The following CDH13 variants were observed in gnomAD, a reference collection of about 807,000 sequenced individuals.
CDH13 encodes cadherin 13, also known as cadherin-13.
A neutral mutation model predicts 63.8 loss-of-function variants in CDH13; 24 were observed. The ratio of observed to expected loss-of-function variants is 0.38; its 90% confidence interval spans 0.27 to 0.53. The LOEUF is 0.53. Ranked by LOEUF, CDH13 falls within the 20% of genes least tolerant of loss-of-function variation. The pLI is 0.85. For missense variants in CDH13, 1,049 were observed against 903.1 expected (o/e 1.16, Z -2.07); for synonymous variants, 503 against 355.3 (o/e 1.42, Z -4.67).
chr16:82,637,343 A>G (rs1185598668), intron 1 of CDH13, among the ~76,000 whole-genome samples: 3 of 150,394 alleles, frequency 2.0e-5, no homozygotes, highest in Middle Eastern at 3.2e-3. Context: ...CCTTTTCTCA[A>G]CAAAGATATT....
chr16:82,678,816 G>C (rs576756658), intron 1 of CDH13, among the ~76,000 whole-genome samples: 26 of 152,148 alleles, frequency 1.7e-4, no homozygotes, highest in Admixed American at 1.3e-4. Context: ...ATCTCTTAGA[G>C]CCCAGTACTC....
chr16:82,974,413 C>T (rs553366401), intron 2 of CDH13, among the ~76,000 whole-genome samples: 1 of 152,158 alleles, frequency 6.6e-6, no homozygotes, highest in Admixed American at 6.5e-5. Flanking sequence ...ATACCCTTTA[C>T]GATTCACATG....
intron 8 of CDH13, among the ~76,000 whole-genome samples, chr16:83,667,390 A>G (rs993172148): frequency 1.3e-5 from 2 of 152,004 alleles, no homozygotes; most frequent in African/African-American, 4.8e-5. Flanking sequence ...TTATTAATTC[A>G]TTCATCCACC....
At chr16:83,257,316 G>C (rs996333408) in intron 5 of CDH13, among the ~76,000 whole-genome samples, 2 of 152,088 alleles carry the variant, frequency 1.3e-5, no homozygotes, top group African/African-American at 4.8e-5. Context: ...AGAATTCATC[G>C]TATTTTTTTT....
intron 4 of CDH13, among the ~76,000 whole-genome samples, chr16:83,182,190 C>A (rs1311920516): frequency 6.6e-6 from 1 of 152,206 alleles, no homozygotes; most frequent in Non-Finnish European, 1.5e-5. Context: ...TTAACTAATC[C>A]TTCCTGCCTC....
intron 6 of CDH13, among the ~76,000 whole-genome samples, chr16:83,384,717 A>G (rs931884983): frequency 3.9e-5 from 6 of 152,212 alleles, no homozygotes; most frequent in African/African-American, 1.2e-4. Context: ...CCACATGGCA[A>G]AAGGCCTCAT....
At chr16:83,467,314 A>G (rs970644205) in intron 6 of CDH13, among the ~76,000 whole-genome samples, 2 of 152,204 alleles carry the variant, frequency 1.3e-5, no homozygotes, top group African/African-American at 4.8e-5. Context: ...AATATAAAGC[A>G]TGTCTCCTCT....
intron 1 of CDH13, among the ~76,000 whole-genome samples, chr16:82,788,788 G>C (rs79351177): frequency 0.044 from 6,667 of 152,284 alleles, 210 homozygotes; most frequent in Non-Finnish European, 0.069. Context: ...CTGGGATGTG[G>C]AGCCCAGGTG....
chr16:82,805,511 G>T (rs1372994687), intron 1 of CDH13, among the ~76,000 whole-genome samples: 4 of 152,158 alleles, frequency 2.6e-5, no homozygotes, highest in African/African-American at 7.2e-5. Flanking sequence ...ACCAAAATGA[G>T]TTCGGGGGCC....
At chr16:83,758,826 T>C (rs1354441636) in intron 11 of CDH13, among the ~76,000 whole-genome samples, 1 of 152,224 alleles carries the variant, frequency 6.6e-6, no homozygotes, top group Non-Finnish European at 1.5e-5. Flanking sequence ...AAGAAAGATA[T>C]GCAAGTCCTC....
intron 1 of CDH13, among the ~76,000 whole-genome samples, chr16:82,853,179 A>C (rs925620287): frequency 2.0e-5 from 3 of 152,184 alleles, no homozygotes; most frequent in African/African-American, 7.2e-5. Flanking sequence ...ACACAACTCA[A>C]TCATATCAGG....
At chr16:83,658,566 G>A (rs1234961323) in intron 8 of CDH13, among the ~76,000 whole-genome samples, 2 of 143,524 alleles carry the variant, frequency 1.4e-5, no homozygotes, top group Non-Finnish European at 3.1e-5. Context: ...TCACCACCAG[G>A]TCCCATGTCC....
At chr16:83,154,548 A>G (rs1428773534) in intron 4 of CDH13, among the ~76,000 whole-genome samples, 2 of 150,878 alleles carry the variant, frequency 1.3e-5, no homozygotes, top group Non-Finnish European at 2.9e-5. Context: ...ACCTGGCGAC[A>G]GAGAGACTCC....
chr16:82,752,717 G>A (rs2034466701), intron 1 of CDH13, among the ~76,000 whole-genome samples: 1 of 152,178 alleles, frequency 6.6e-6, no homozygotes, highest in African/African-American at 2.4e-5. Context: ...GCAGACCACT[G>A]GGTCCCAGAC....
chr16:83,679,968 C>G (rs1915272502), intron 10 of CDH13, among the ~76,000 whole-genome samples: 1 of 152,114 alleles, frequency 6.6e-6, no homozygotes, highest in Non-Finnish European at 1.5e-5. Context: ...ACTAGATGTC[C>G]TACTAAGATG....
intron 2 of CDH13, among the ~76,000 whole-genome samples, chr16:83,026,978 G>T (rs1245674992): frequency 6.6e-6 from 1 of 152,042 alleles, no homozygotes; most frequent in Non-Finnish European, 1.5e-5. Flanking sequence ...GGAGAGCATA[G>T]CTGAGTTCTT....
chr16:82,854,391 GCT>G (rs2039608550), intron 1 of CDH13, among the ~76,000 whole-genome samples: 1 of 98,528 alleles, frequency 1.0e-5, no homozygotes, highest in Non-Finnish European at 1.9e-5. Context: ...ACAGAGCAAG[GCT>G]CTGTCTCAAA....
At chr16:83,318,569 G>A (rs939451837) in intron 5 of CDH13, among the ~76,000 whole-genome samples, 2 of 152,108 alleles carry the variant, frequency 1.3e-5, no homozygotes, top group Non-Finnish European at 1.5e-5. Context: ...CTCAAAATTG[G>A]CCTAGGACAT....
intron 10 of CDH13, among the ~76,000 whole-genome samples, chr16:83,726,921 G>C (rs1011438839): frequency 4.6e-5 from 7 of 152,034 alleles, no homozygotes; most frequent in African/African-American, 1.7e-4. Flanking sequence ...GGAGTGTTTG[G>C]TTTGTGCCTT....
Sources: gnomAD v4.1 joint callset for allele counts (sites outside exome capture counted in the v4.1 genomes callset) on GRCh38, gnomAD v4.1.1 for gene constraint, MANE v1.5 for transcripts, NCBI Gene and HGNC (gene_info 2026-07-23, HGNC 2026-07-21) for gene names.